Variants in HNRNPCL1 observed in about 807,000 individuals in gnomAD.
HNRNPCL1 encodes heterogeneous nuclear ribonucleoprotein C-like 1.
Under a neutral mutation model 19.0 loss-of-function variants are expected in HNRNPCL1, and 15 were observed. The ratio of observed to expected loss-of-function variants is 0.79; its 90% CI spans 0.53 to 1.22. HNRNPCL1 has a LOEUF of 1.22. Ranked by LOEUF, HNRNPCL1 falls within the 50% of genes most tolerant of loss-of-function variation. The pLI is 0.00. For missense variants in HNRNPCL1, 327 were observed against 354.7 expected, an observed-to-expected ratio of 0.92 and a Z score of 0.63; for synonymous variants, 110 against 129.1, an observed-to-expected ratio of 0.85 and a Z score of 1.00.
At position 12,847,970 on chromosome 1, in the gene HNRNPCL1, G is replaced by A. The variant is rs1329926246; in HGVS notation, c.320C>T (p.Ser107Phe). 1 of 1,607,568 alleles carries A rather than the reference G, an allele frequency of 6.2e-7. No individual in the cohort carries two copies. Among genetic ancestry groups the A allele is most frequent in the South Asian group, 1.1e-5 (1 of 90,694 alleles). ...AAAGCCATAGTCCAAGTCAAAAGAG[G>A]AGCCGTACATCTCCGCTGCTGATCG... ...VKRSAAEMYG[S>F]SFDLDYGFQR... Residue 107 changes from serine (S) to phenylalanine (F), a missense_variant, in exon 2 of 2, where the codon TCC becomes TTC. Physicochemically the swap from Ser to Phe is radical, Grantham distance 155. Around this residue, in one of 2 missense-constraint regions of HNRNPCL1, gnomAD observed 281 missense variants for 254.7 expected, o/e 1.10. Coordinates refer to ENST00000317869, the MANE Select transcript of HNRNPCL1 (RefSeq NM_001013631.3).
At position 12,847,652 on chromosome 1, in the gene HNRNPCL1, A is replaced by T; in HGVS notation, c.638T>A (p.Val213Glu). ...TTCTGACTTAGCATTTTTCACCTCT[A>T]CCTCTTGTTTGCTCTGTTCCTTTTC... ...KIEKEQSKQE[V>E]EVKNAKSEEE... is the part of the protein sequence containing the mutation. The change falls in exon 2 of 2, where the codon GTA becomes GAA. Residue 213 changes from valine to glutamate, a missense_variant. Physicochemically the swap from Val to Glu is moderately radical, Grantham distance 121 (BLOSUM62 -2). Transcript: ENST00000317869. 1 of 1,605,534 alleles carries T rather than the reference A, an allele frequency of 6.2e-7. No homozygotes were observed. Among genetic ancestry groups the T allele is most frequent in the Non-Finnish European group, 8.5e-7 (1 of 1,176,210 alleles).
rs1216835959 is a variant in HNRNPCL1, at chr1:12,847,607, G to C, written c.683C>G (p.Ser228Cys). 8 of 1,606,362 alleles carry C rather than the reference G, an allele frequency of 5.0e-6. No individual in the cohort carries two copies. The highest frequency in any genetic ancestry group is 6.8e-6 in the Non-Finnish European group (8 of 1,176,450). The change falls in exon 2 of 2, where the codon TCC (serine) becomes TGC (cysteine). Residue 228 changes from serine to cysteine, a missense_variant. Ser to Cys is a moderately radical substitution (Grantham distance 112). Transcript: ENST00000317869. Reference sequence around the variant, plus strand: ...CACATGAGTCTCATCTTTCTTCATGGAGCTACTGCTCTGCTCCTCTTCTGA... The same window carrying C: ...CACATGAGTCTCATCTTTCTTCATGCAGCTACTGCTCTGCTCCTCTTCTGA... ...AKSEEEQSSS[S>C]MKKDETHVKM...
At position 12,848,331 on chromosome 1, in the gene HNRNPCL1, G is replaced by A; in HGVS notation, c.-42C>T. 1 of 1,413,272 alleles carries A rather than the reference G, an allele frequency of 7.1e-7. No individual in the cohort carries two copies. The highest frequency in any genetic ancestry group is 9.4e-7 in the Non-Finnish European group (1 of 1,064,058). 87.5% of individuals were successfully genotyped at this position (1,413,272 alleles called of 1,614,324 possible). ...GTTTCTCAAAAAGCCAAAAACAGGAGGCGGGAGGGAGAAGAGATTCGATTC... is the reference window on the plus strand; with the variant it reads ...GTTTCTCAAAAAGCCAAAAACAGGAAGCGGGAGGGAGAAGAGATTCGATTC... On this transcript the variant is annotated 5_prime_UTR_variant, in exon 2 of 2. Coordinates refer to ENST00000317869, the MANE Select transcript of HNRNPCL1 (RefSeq NM_001013631.3).
rs1737104 is a variant in HNRNPCL1 at position 12,847,924 on chromosome 1, T to C, written c.366A>G (p.Gly122=). ...DYGFQRDYYD[G]MYSFPARVPP... Reference sequence around the variant, plus strand: ...GTACACGTGCTGGGAAACTGTACATTCCATCATAATAATCCCGTTGAAAGC... The same window carrying C: ...GTACACGTGCTGGGAAACTGTACATCCCATCATAATAATCCCGTTGAAAGC... The change falls in exon 2 of 2, where the codon GGA becomes GGG. Residue 122 remains glycine (G), a synonymous_variant. Coordinates refer to ENST00000317869, the MANE Select transcript of HNRNPCL1 (RefSeq NM_001013631.3). The C allele has an allele frequency of 0.034, 52,674 of 1,535,508 alleles. 1,612 individuals are homozygous for C. The highest frequency in any genetic ancestry group is 0.22 in the East Asian group (8,710 of 40,466).
rs749478649 is a variant in HNRNPCL1 at position 12,847,518 on chromosome 1, C to A, written c.772G>T (p.Val258Phe). The A allele has an allele frequency of 6.2e-7, 1 of 1,606,698 alleles. No individual in the cohort carries two copies. The highest frequency in any genetic ancestry group is 1.1e-5 in the South Asian group (1 of 90,460). Residue 258 changes from valine (V) to phenylalanine (F), a missense_variant, in exon 2 of 2, where the codon GTT (valine) becomes TTT (phenylalanine). Transcript: ENST00000317869. ...TGGTCATCCCCCTGATCTTCATTAA[C>A]ATCATCATCCAGTGGGTCCCCCTCC... Reference protein sequence around the residue: ...AEEGDPLDDDVNEDQGDDQLE... With the variant: ...AEEGDPLDDDFNEDQGDDQLE...
Position 12,847,635 on chromosome 1 carries a change from T to C in HNRNPCL1, c.655A>G (p.Lys219Glu). 2 of 1,606,646 alleles carry C rather than the reference T, an allele frequency of 1.2e-6. No homozygotes were observed. The highest frequency in any genetic ancestry group is 1.7e-6 in the Non-Finnish European group (2 of 1,176,492). The stretch of plus-strand genomic sequence containing the variant: ...CTACTGCTCTGCTCCTCTTCTGACT[T>C]AGCATTTTTCACCTCTACCTCTTGT... The part of the protein sequence containing the change: ...SKQEVEVKNA[K>E]SEEEQSSSSM... Residue 219 changes from lysine (K) to glutamate (E), a missense_variant, in exon 2 of 2, where the codon AAG (lysine) becomes GAG (glutamate). Lys to Glu is a moderately conservative substitution (Grantham distance 56). Coordinates refer to ENST00000317869, the MANE Select transcript of HNRNPCL1 (RefSeq NM_001013631.3).
At position 12,847,438 on chromosome 1, in the gene HNRNPCL1, T is replaced by G. The variant is rs772623398; in HGVS notation, c.852A>C (p.Arg284Ser). The G allele has an allele frequency of 3.1e-6, 5 of 1,606,876 alleles. No individual in the cohort carries two copies. Among genetic ancestry groups the G allele is most frequent in the Non-Finnish European group, 4.2e-6 (5 of 1,176,686 alleles). ...EKEAEEGEDD[R>S]DSTNGQDDS The stretch of plus-strand genomic sequence containing the variant: ...AGTCATCCTGGCCATTGGTGCTGTC[T>G]CTGTCATCCTCTCCTTCCTCAGCCT... Residue 284 changes from arginine to serine, a missense_variant, in exon 2 of 2, where the codon AGA becomes AGC. Physicochemically the swap from Arg to Ser is moderately radical, Grantham distance 110 (BLOSUM62 -1). Coordinates refer to ENST00000317869, the MANE Select transcript of HNRNPCL1 (RefSeq NM_001013631.3).
chr1:12,847,700 A>G lies in HNRNPCL1; in HGVS notation c.590T>C (p.Leu197Pro), dbSNP rs202232968. ...TTCAATTTTTTCCAGGTTTTCCAGG[A>G]GAGAATCCACTTTCTGTTTTATCTG... is the stretch of plus-strand genomic sequence containing the variant. ...LTQIKQKVDSLLENLEKIEKE... is the reference protein window; with the variant it reads ...LTQIKQKVDSPLENLEKIEKE... Residue 197 changes from leucine to proline, a missense_variant, in exon 2 of 2, where the codon CTC (leucine) becomes CCC (proline). Coordinates refer to ENST00000317869, the MANE Select transcript of HNRNPCL1 (RefSeq NM_001013631.3). The G allele has an allele frequency of 9.0e-5, 144 of 1,606,426 alleles. 9 individuals carry two copies. Among genetic ancestry groups the G allele is most frequent in the East Asian group, 5.1e-4 (23 of 44,694 alleles).
chr1:12,847,475 T>A lies in HNRNPCL1; in HGVS notation c.815A>T (p.Asp272Val), dbSNP rs533112131. The change falls in exon 2 of 2, where the codon GAT becomes GTT. Residue 272 changes from aspartate (D) to valine (V), a missense_variant. Asp to Val is a radical substitution (Grantham distance 152, BLOSUM62 -3). Coordinates refer to ENST00000317869, the MANE Select transcript of HNRNPCL1 (RefSeq NM_001013631.3). Reference protein sequence around the residue: ...QGDDQLELIKDDEKEAEEGED... With the variant: ...QGDDQLELIKVDEKEAEEGED... ...TCCTTCCTCAGCCTCTTTTTCATCATCCTTGATCAACTCCAGCTGGTCATC... is the reference window on the plus strand; with the variant it reads ...TCCTTCCTCAGCCTCTTTTTCATCAACCTTGATCAACTCCAGCTGGTCATC... The A allele has an allele frequency of 6.2e-7, 1 of 1,606,816 alleles. No individual in the cohort carries two copies. Among genetic ancestry groups the A allele is most frequent in the East Asian group, 2.2e-5 (1 of 44,680 alleles).
rs530412527 is a variant in HNRNPCL1 at position 12,848,647 on chromosome 1, G to C, written c.-182+34C>G. ...TTCTAGACCGGCTGACTGTAGGTCA[G>C]ATGGGAGTGTCCTTCCAGAAATTAG... On this transcript the variant is annotated intron_variant, in intron 1 of 1. Transcript: ENST00000317869. The C allele has an allele frequency of 3.8e-4, 110 of 291,908 alleles. 2 individuals carry two copies. The highest frequency in any genetic ancestry group is 2.8e-3 in the South Asian group (39 of 13,954). 18.1% of individuals were successfully genotyped at this position (291,908 alleles called of 1,614,324 possible). A position where few individuals can be genotyped will look rare whatever the true frequency, so the allele number is the denominator to read the frequency against.
chr1:12,848,621 G>C (rs547793978), intron 1 of HNRNPCL1, 60 bp downstream of exon 1: 1 of 365,232 alleles, frequency 2.7e-6, no homozygotes, highest in Non-Finnish European at 4.8e-6. Flanking sequence ...CACTGTCACC[G>C]TTCTAGACCG....
In HNRNPCL1 at chr1:12,848,408, C is replaced by T. The variant is rs1398415958; in HGVS notation, c.-119G>A. 7.3e-7 allele frequency: 1 copy of T among 1,370,992 alleles called. No homozygotes were observed. The allele number at this position is 1,370,992 out of a possible 1,614,324, so 84.9% of individuals were successfully genotyped here. A position where few individuals can be genotyped will look rare whatever the true frequency, so the allele number is the denominator to read the frequency against. ...GGGAGAAACTGACTGCGGCTCGAGG[C>T]CAGAAATGCAGCCAAAACAGCTCAG... On this transcript the variant is annotated 5_prime_UTR_variant, in exon 2 of 2. Coordinates refer to ENST00000317869, the MANE Select transcript of HNRNPCL1 (RefSeq NM_001013631.3).
chr1:12,847,941 G>A lies in HNRNPCL1; in HGVS notation c.349C>T (p.Arg117Trp), dbSNP rs147549487. The change falls in exon 2 of 2, where the codon CGG (arginine) becomes TGG (tryptophan). Residue 117 changes from arginine to tryptophan, a missense_variant. By Grantham distance (101) the Arg-to-Trp change is moderately radical. Transcript: ENST00000317869. ...CTGTACATTCCATCATAATAATCCC[G>A]TTGAAAGCCATAGTCCAAGTCAAAA... ...SSFDLDYGFQ[R>W]DYYDGMYSFP... The A allele has an allele frequency of 1.0e-3, 1,601 of 1,607,200 alleles. 80 individuals are homozygous for A. Among genetic ancestry groups the A allele is most frequent in the Non-Finnish European group, 1.3e-3 (1,479 of 1,176,858 alleles).
At position 12,847,790 on chromosome 1, in the gene HNRNPCL1, C is replaced by T. The variant is rs760188448; in HGVS notation, c.500G>A (p.Arg167Gln). 30 of 1,606,328 alleles carry T rather than the reference C, an allele frequency of 1.9e-5. 2 individuals are homozygous for T. The African/African-American group carries it at 2.3e-4, about 12-fold the overall frequency. ...CAACTTTCCAGACTTGGAAGATCCC[C>T]GCTTTCCACTCTTAGAATTGAAGCC... The part of the protein sequence containing the change: ...KSGFNSKSGK[R>Q]GSSKSGKLKG... Residue 167 changes from arginine to glutamine, a missense_variant, in exon 2 of 2, where the codon CGG becomes CAG. By Grantham distance (43) the Arg-to-Gln change is conservative. This residue lies in a region of HNRNPCL1 where 281 missense variants were observed against 254.7 expected (regional missense o/e 1.10). Transcript: ENST00000317869.
In HNRNPCL1 at chr1:12,847,749, G is replaced by A. The variant is rs745852881; in HGVS notation, c.541C>T (p.Gln181Ter). Residue 181 changes from glutamine to a stop codon, truncating the protein, a stop_gained, in exon 2 of 2, where the codon CAG (glutamine) becomes TAG (stop). Coordinates refer to ENST00000317869, the MANE Select transcript of HNRNPCL1 (RefSeq NM_001013631.3). LOFTEE classifies it high-confidence loss of function. ...TGGGTCAACTCCTGCTTAATGGCCT[G>A]AAGGTCATCACCTTTCAACTTTCCA... ...KSGKLKGDDL[Q>*]AIKQELTQIK... The A allele has an allele frequency of 1.9e-6, 3 of 1,606,784 alleles. No homozygotes were observed. Among genetic ancestry groups the A allele is most frequent in the Non-Finnish European group, 2.5e-6 (3 of 1,176,612 alleles).
At chr1:12,848,633 C>A (rs1640313493) in intron 1 of HNRNPCL1, 48 bp downstream of exon 1, 1 of 336,478 alleles carries the variant, frequency 3.0e-6, no homozygotes, top group Non-Finnish European at 5.3e-6. Context: ...TCTAGACCGG[C>A]TGACTGTAGG....
Position 12,847,528 on chromosome 1 carries a change from C to G in HNRNPCL1, c.762G>C (p.Leu254=), listed in dbSNP as rs201317545. 1 of 1,606,620 alleles carries G rather than the reference C, an allele frequency of 6.2e-7. No individual in the cohort carries two copies. The highest frequency in any genetic ancestry group is 8.5e-7 in the Non-Finnish European group (1 of 1,176,642). Residue 254 remains leucine, a synonymous_variant, in exon 2 of 2, where the codon CTG becomes CTC. Coordinates refer to ENST00000317869, the MANE Select transcript of HNRNPCL1 (RefSeq NM_001013631.3). ...AEDSAEEGDP[L]DDDVNEDQGD... is the part of the protein sequence containing the mutation. ...CCTGATCTTCATTAACATCATCATC[C>G]AGTGGGTCCCCCTCCTCAGCAGAGT...
chr1:12,847,864 G>A lies in HNRNPCL1; in HGVS notation c.426C>T (p.Pro142=). Residue 142 remains proline, a synonymous_variant, in exon 2 of 2, where the codon CCC becomes CCT. Coordinates refer to ENST00000317869, the MANE Select transcript of HNRNPCL1 (RefSeq NM_001013631.3). ...TTCCTGATAGACGTTGACGTTTCGA[G>A]GGCACTACAGCCAGAGCAATGGGAG... ...PPPPIALAVV[P]SKRQRLSGNT... is the part of the protein sequence containing the mutation. The A allele has an allele frequency of 6.2e-7, 1 of 1,606,532 alleles. No homozygotes were observed. The highest frequency in any genetic ancestry group is 8.5e-7 in the Non-Finnish European group (1 of 1,176,568).
chr1:12,847,885 GGGA>G lies in HNRNPCL1; in HGVS notation c.402_404del (p.Pro135del), dbSNP rs774909909. 9 of 1,606,440 alleles carry G rather than the reference GGGA, an allele frequency of 5.6e-6. No homozygotes were observed. The highest frequency in any genetic ancestry group is 3.5e-5 in the Admixed American group (2 of 57,924). On this transcript the variant is annotated inframe_deletion, in exon 2 of 2. Transcript: ENST00000317869. ...TCGAGGGCACTACAGCCAGAGCAAT[GGGA>G]GGAGGAGGAGGTACACGTGCTGGGA...
Sources: allele counts gnomAD v4.1 joint callset, GRCh38; gene constraint gnomAD v4.1.1; regional missense constraint gnomAD v4.1.1; transcripts MANE v1.5; gene names NCBI Gene and HGNC (gene_info 2026-07-23, HGNC 2026-07-21).